Variants in XPO6 observed in about 807,000 individuals in gnomAD.
XPO6 encodes exportin 6.
Under a neutral mutation model 130.0 loss-of-function variants are expected in XPO6, and 3 were observed. That is an observed-to-expected ratio of 0.02 (90% CI 0.01 to 0.06). The LOEUF (loss-of-function observed/expected upper bound fraction) is 0.06, where lower values mean the gene tolerates loss of function less well. Among genes scored for constraint, XPO6 ranks in the 10% least tolerant of loss-of-function variants. The pLI is 1.00. For missense variants in XPO6, 970 were observed against 1,393.0 expected (o/e 0.70, Z 4.83); for synonymous variants, 524 against 548.9 (o/e 0.95, Z 0.63).
chr16:28,154,322 T>C, intron 7 of XPO6: 2 of 962,232 alleles, frequency 2.1e-6, no homozygotes, highest in Non-Finnish European at 2.5e-6. Flanking sequence ...TACTTTAGTA[T>C]CTAACCCAAT....
At chr16:28,183,732 A>G (rs889564376) in intron 1 of XPO6, among the ~76,000 whole-genome samples, 6 of 152,210 alleles carry the variant, frequency 3.9e-5, no homozygotes, top group Non-Finnish European at 8.8e-5. Context: ...AAACAGACCA[A>G]AGCAAAACAA....
intron 7 of XPO6, 81 bp from the exon 8 acceptor site, chr16:28,152,866 G>T: frequency 6.5e-7 from 1 of 1,543,594 alleles, no homozygotes; most frequent in South Asian, 1.3e-5. Flanking sequence ...AGTTCTTTCA[G>T]TACAGAACTA....
chr16:28,100,573 A>C (rs548025183), intron 23 of XPO6, among the ~76,000 whole-genome samples: 1 of 152,398 alleles, frequency 6.6e-6, no homozygotes, highest in Admixed American at 6.5e-5. Flanking sequence ...CAGTGTGTGC[A>C]TCTGAGCACT....
At chr16:28,190,145 C>T (rs1196707838) in intron 1 of XPO6, among the ~76,000 whole-genome samples, 1 of 152,122 alleles carries the variant, frequency 6.6e-6, no homozygotes, top group Non-Finnish European at 1.5e-5. Flanking sequence ...AAACCTCATC[C>T]ACATAGTATT....
intron 7 of XPO6, chr16:28,155,733 C>T (rs190467156): frequency 3.0e-4 from 67 of 219,892 alleles, no homozygotes; most frequent in Admixed American, 1.6e-3. Context: ...TTCTTGGCTA[C>T]GCAGGAGCAG....
intron 13 of XPO6, 91 bp from the exon 14 acceptor site, chr16:28,121,853 G>A: frequency 1.3e-6 from 1 of 798,332 alleles, no homozygotes; most frequent in Non-Finnish European, 2.1e-6. Context: ...AAGAGCGTAA[G>A]GGCAGACTTT....
intron 2 of XPO6, among the ~76,000 whole-genome samples, chr16:28,177,977 G>A (rs2043558908): frequency 3.3e-5 from 5 of 152,180 alleles, no homozygotes; most frequent in Admixed American, 3.3e-4. Flanking sequence ...ACGTTGGTTA[G>A]AAACGGTTTT....
At chr16:28,105,918 A>G in intron 20 of XPO6, 125 bp downstream of exon 20, 1 of 1,420,068 alleles carries the variant, frequency 7.0e-7, no homozygotes, top group Non-Finnish European at 9.5e-7. Context: ...CTTGGGAGAA[A>G]CTACTTTACA....
intron 1 of XPO6, 38 bp from the exon 2 acceptor site, chr16:28,181,069 T>C (rs771288235): frequency 9.4e-6 from 14 of 1,495,142 alleles, no homozygotes; most frequent in Non-Finnish European, 1.3e-5. Flanking sequence ...ATAAGCTGCA[T>C]CTTCAGTTCC....
chr16:28,173,991 C>T (rs1019285867), intron 4 of XPO6, among the ~76,000 whole-genome samples: 1 of 152,180 alleles, frequency 6.6e-6, no homozygotes, highest in Non-Finnish European at 1.5e-5. Context: ...CACCACTAAC[C>T]AACCCAGGAA....
Position 28,101,380 on chromosome 16 carries a change from C to T in XPO6, c.3276+78G>A. Reference sequence around the variant, plus strand: ...GACCACGCCCAGAGGCCTCAATGTGCCCCCTCCTTGCTGCACAGGTGCCAG... The same window carrying T: ...GACCACGCCCAGAGGCCTCAATGTGTCCCCTCCTTGCTGCACAGGTGCCAG... On this transcript the variant is annotated intron_variant, in intron 23 of 23. Coordinates refer to ENST00000304658, the MANE Select transcript of XPO6 (RefSeq NM_015171.4). This position sits in a 1 kb window ranked among gnomAD's most constrained non-coding sequence, Gnocchi z 5.4. The T allele has an allele frequency of 3.8e-6, 5 of 1,320,914 alleles. No individual in the cohort carries two copies. The highest frequency in any genetic ancestry group is 3.6e-5 in the South Asian group (3 of 83,184). The allele number at this position is 1,320,914 out of a possible 1,614,324, so 81.8% of individuals were successfully genotyped here. A position where few individuals can be genotyped will look rare whatever the true frequency, so the allele number is the denominator to read the frequency against.
At chr16:28,178,834 C>T (rs964844880) in intron 2 of XPO6, among the ~76,000 whole-genome samples, 9 of 151,912 alleles carry the variant, frequency 5.9e-5, no homozygotes, top group Non-Finnish European at 4.4e-5. Context: ...TTTCGGAGGC[C>T]AAGGCGGGTG....
At chr16:28,100,540 G>T (rs1026673481) in intron 23 of XPO6, among the ~76,000 whole-genome samples, 1 of 152,236 alleles carries the variant, frequency 6.6e-6, no homozygotes, top group African/African-American at 2.4e-5. Context: ...GAAAGCAGGC[G>T]GCCAGGTTTG....
intron 5 of XPO6, among the ~76,000 whole-genome samples, chr16:28,168,858 T>A (rs1267612557): frequency 1.3e-5 from 2 of 151,520 alleles, no homozygotes; most frequent in African/African-American, 4.9e-5. Context: ...CAAGTGATCC[T>A]CCCACCTCAG....
chr16:28,173,276 G>A (rs2043483530), intron 4 of XPO6, among the ~76,000 whole-genome samples: 1 of 152,186 alleles, frequency 6.6e-6, no homozygotes, highest in Non-Finnish European at 1.5e-5. Flanking sequence ...ACTGATCATT[G>A]AGTACTGATC....
At chr16:28,211,145 T>C (rs867727539) in intron 1 of XPO6, among the ~76,000 whole-genome samples, 26 of 152,298 alleles carry the variant, frequency 1.7e-4, no homozygotes, top group Middle Eastern at 3.4e-3. Context: ...GGGTTGTGCC[T>C]GCTGCGCTCC....
At chr16:28,181,219 C>T (rs908658735) in intron 1 of XPO6, 188 bp from the exon 2 acceptor site, 5 of 498,206 alleles carry the variant, frequency 1.0e-5, no homozygotes, top group Admixed American at 3.8e-5. Flanking sequence ...CAAAACCCAA[C>T]GTTGTTGTTG....
intron 4 of XPO6, among the ~76,000 whole-genome samples, chr16:28,174,263 G>A (rs866074713): frequency 5.9e-5 from 9 of 152,154 alleles, no homozygotes; most frequent in Middle Eastern, 6.8e-3. Context: ...AGATACCCAC[G>A]TGGTGCACGC....
intron 10 of XPO6, 34 bp from the exon 11 acceptor site, chr16:28,133,967 A>G (rs1256913843): frequency 6.2e-7 from 1 of 1,608,062 alleles, no homozygotes. Context: ...CAGCTCTCCC[A>G]GAATCCTCTC....
Sources: allele counts gnomAD v4.1 joint callset (sites outside exome capture counted in the v4.1 genomes callset), GRCh38; gene constraint gnomAD v4.1.1; non-coding constraint Gnocchi (gnomAD v3.1); transcripts MANE v1.5; gene names NCBI Gene and HGNC (gene_info 2026-07-23, HGNC 2026-07-21).